Variants in TRIM14 observed in about 807,000 individuals in gnomAD.
The protein encoded by TRIM14 is tripartite motif containing 14.
A neutral mutation model predicts 44.5 loss-of-function variants in TRIM14; 28 were observed. That is an observed-to-expected ratio of 0.63 (90% CI 0.47 to 0.86). TRIM14 has a LOEUF of 0.86. Ranked by LOEUF, TRIM14 falls within the 40% of genes least tolerant of loss-of-function variation. The pLI is 0.00. For missense variants in TRIM14, 607 were observed against 611.1 expected (o/e 0.99, Z 0.07); for synonymous variants, 299 against 269.2 (o/e 1.11, Z -1.08).
chr9:98,101,221 T>G (rs1826377061), intron 2 of TRIM14, among the ~76,000 whole-genome samples: 1 of 152,120 alleles, frequency 6.6e-6, no homozygotes, highest in Admixed American at 6.6e-5. Flanking sequence ...GTGATCCACC[T>G]GCCTCAGCCT....
chr9:98,056,806 G>A, the TRIM14 span: 1 of 1,611,328 alleles, frequency 6.2e-7, no homozygotes, highest in Admixed American at 1.7e-5. Flanking sequence ...CCGAGCCGCT[G>A]CAATGCCGCT....
chr9:98,051,068 C>T, the TRIM14 span, among the ~76,000 whole-genome samples: 2 of 152,126 alleles, frequency 1.3e-5, no homozygotes, highest in African/African-American at 2.4e-5. Flanking sequence ...ACCACCACAC[C>T]CGGCATGGTT....
chr9:98,053,234 G>T, the TRIM14 span, among the ~76,000 whole-genome samples: 1 of 152,202 alleles, frequency 6.6e-6, no homozygotes, highest in Non-Finnish European at 1.5e-5. Context: ...TTGAGCTTGC[G>T]AAGGCTTTTA....
At chr9:98,105,535 C>T (rs766756617) in intron 2 of TRIM14, among the ~76,000 whole-genome samples, 6 of 152,176 alleles carry the variant, frequency 3.9e-5, no homozygotes, top group Non-Finnish European at 5.9e-5. Flanking sequence ...GCTGAGATCA[C>T]GCCACTGTGC....
chr9:98,043,643 C>G, the TRIM14 span, among the ~76,000 whole-genome samples: 1 of 151,202 alleles, frequency 6.6e-6, no homozygotes, highest in African/African-American at 2.4e-5. Context: ...CACACAGACA[C>G]ACATACACAC....
intron 6 of TRIM14, among the ~76,000 whole-genome samples, chr9:98,077,421 G>C (rs1193915491): frequency 6.6e-6 from 1 of 151,024 alleles, no homozygotes; most frequent in Non-Finnish European, 1.5e-5. Flanking sequence ...TGTTGCCCAG[G>C]TTGGTCTTGA....
chr9:98,091,107 T>A (rs1825979547), intron 5 of TRIM14, among the ~76,000 whole-genome samples: 1 of 152,186 alleles, frequency 6.6e-6, no homozygotes, highest in Non-Finnish European at 1.5e-5. Flanking sequence ...TCCTAAAAAA[T>A]AATCTGAAAA....
chr9:98,080,844 C>T (rs138371057), downstream of TRIM14: 9 of 1,602,740 alleles, frequency 5.6e-6, no homozygotes, highest in Non-Finnish European at 7.7e-6. Flanking sequence ...CCTGACATTC[C>T]CATAGGGTAT....
At chr9:98,040,621 T>C in the TRIM14 span, among the ~76,000 whole-genome samples, 1 of 152,008 alleles carries the variant, frequency 6.6e-6, no homozygotes, top group Non-Finnish European at 1.5e-5. Flanking sequence ...CCACATTGCC[T>C]TTCTTCCTGC....
downstream of TRIM14, chr9:98,083,003 A>G: frequency 6.2e-7 from 1 of 1,614,214 alleles, no homozygotes; most frequent in Non-Finnish European, 8.5e-7. Context: ...GAAGAGGATG[A>G]CACCATCATG....
the TRIM14 span, among the ~76,000 whole-genome samples, chr9:98,062,777 G>GTTTTTTTTT: frequency 9.1e-6 from 1 of 109,314 alleles, no homozygotes. Context: ...AGTTATTTCA[G>GTTTTTTTTT]TTTTTTTTTT....
chr9:98,090,550 G>T (rs1825955840), intron 5 of TRIM14, among the ~76,000 whole-genome samples: 1 of 139,530 alleles, frequency 7.2e-6, no homozygotes, highest in African/African-American at 2.7e-5. Flanking sequence ...GCACATTTTT[G>T]ATTTGTGCAC....
At chr9:98,047,305 T>TGA in the TRIM14 span, among the ~76,000 whole-genome samples, 1 of 152,196 alleles carries the variant, frequency 6.6e-6, no homozygotes, top group Non-Finnish European at 1.5e-5. Context: ...CGTGGAACTG[T>TGA]GAGACCATCA....
the TRIM14 span, among the ~76,000 whole-genome samples, chr9:98,046,281 A>G: frequency 6.6e-6 from 1 of 152,112 alleles, no homozygotes; most frequent in Non-Finnish European, 1.5e-5. Context: ...AGGGCCCTGG[A>G]AGCAGCGAAG....
At chr9:98,041,006 C>G in the TRIM14 span, among the ~76,000 whole-genome samples, 2 of 152,094 alleles carry the variant, frequency 1.3e-5, no homozygotes, top group African/African-American at 4.8e-5. Flanking sequence ...CAAGGCTGGT[C>G]TCAAATTCCT....
chr9:98,110,307 C>T (rs12337659), intron 1 of TRIM14: 21,378 of 335,464 alleles, frequency 0.064, 3,258 homozygotes, highest in African/African-American at 0.36. Flanking sequence ...AGCTTGGGGT[C>T]TGGGAAAGAA....
chr9:98,076,943 T>G, intron 6 of TRIM14: 6 of 1,612,386 alleles, frequency 3.7e-6, no homozygotes, highest in Non-Finnish European at 5.1e-6. Flanking sequence ...CTGCATGAAC[T>G]GAATGTTCCA....
At chr9:98,080,598 T>C (rs550358679), downstream of TRIM14, among the ~76,000 whole-genome samples, 2 of 152,330 alleles carry the variant, frequency 1.3e-5, no homozygotes, top group South Asian at 2.1e-4. Flanking sequence ...TTTTAGAGCA[T>C]TTACAATGTG....
the TRIM14 span, among the ~76,000 whole-genome samples, chr9:98,046,556 C>T: frequency 6.6e-6 from 1 of 152,018 alleles, no homozygotes; most frequent in African/African-American, 2.4e-5. Flanking sequence ...ATTCTCCTAC[C>T]TCAGCCTCCT....
Sources: gnomAD v4.1 joint callset for allele counts (sites outside exome capture counted in the v4.1 genomes callset) on GRCh38, gnomAD v4.1.1 for gene constraint, MANE v1.5 for transcripts, NCBI Gene and HGNC (gene_info 2026-07-23, HGNC 2026-07-21) for gene names.